OPA1: variants seen among roughly 807,000 people sequenced by gnomAD.
The protein encoded by OPA1 is OPA1 mitochondrial dynamin like GTPase.
In OPA1, 59 loss-of-function variants were observed where a neutral mutation model predicts 152.9. The observed-to-expected ratio is 0.39, with a 90% CI of 0.31 to 0.48. The LOEUF (loss-of-function observed/expected upper bound fraction) is 0.48, where lower values mean the gene tolerates loss of function less well. Ranked by LOEUF, OPA1 falls within the 20% of genes least tolerant of loss-of-function variation. The pLI is 0.96. For missense variants in OPA1, 1,008 were observed against 1,216.8 expected (o/e 0.83, Z 2.55); for synonymous variants, 400 against 389.9 (o/e 1.03, Z -0.31).
Position 193,647,191 on chromosome 3 carries a change from T to C in OPA1, c.1870+11T>C, listed in dbSNP as rs188090613. The C allele has an allele frequency of 4.6e-5, 73 of 1,571,872 alleles. No homozygotes were observed. The African/African-American group carries it at 8.8e-4, about 19-fold the overall frequency. On this transcript the variant is annotated intron_variant, in intron 19 of 30. Coordinates refer to ENST00000361510, the MANE Select transcript of OPA1 (RefSeq NM_130837.3). The stretch of plus-strand genomic sequence containing the variant: ...CTGATAGTTTCAAAGGTAAGTTGGA[T>C]TTTTTAAAGAAGCAAGCAAATTAAG...
In OPA1 at chr3:193,643,976, T is replaced by C. The variant is rs1219542370; in HGVS notation, c.1479T>C (p.Asp493=). Residue 493 remains aspartate (D), a splice_region_variant and synonymous_variant, in exon 16 of 31, where the codon GAT becomes GAC. Transcript: ENST00000361510. ...NPNAIILCIQ[D]GSVDAERSIV... is the part of the protein sequence containing the mutation. Reference sequence around the variant, plus strand: ...GTGTCATTTTTTTATTTTTTTCAGATGGATCTGTGGATGCTGAACGCAGTA... The same window carrying C: ...GTGTCATTTTTTTATTTTTTTCAGACGGATCTGTGGATGCTGAACGCAGTA... 1.2e-6 allele frequency: 2 copies of C among 1,613,786 alleles called. No homozygotes were observed. Among genetic ancestry groups the C allele is most frequent in the South Asian group, 1.1e-5 (1 of 91,068 alleles).
chr3:193,669,431 A>G (rs1717432221), intron 29 of OPA1, among the ~76,000 whole-genome samples: 1 of 152,212 alleles, frequency 6.6e-6, no homozygotes, highest in Non-Finnish European at 1.5e-5. Context: ...TTAGTGCTCA[A>G]ATCTGAATTG....
At chr3:193,635,569 GT>G (rs1560360880) in intron 9 of OPA1, 47 bp downstream of exon 9, 2 of 1,112,366 alleles carry the variant, frequency 1.8e-6, no homozygotes, top group African/African-American at 3.1e-5. Context: ...ACCGCTTAAC[GT>G]TGTGTGTTCA....
At chr3:193,628,821 A>G (rs764234262) in intron 7 of OPA1, among the ~76,000 whole-genome samples, 7 of 152,120 alleles carry the variant, frequency 4.6e-5, no homozygotes, top group Non-Finnish European at 8.8e-5. Flanking sequence ...CATCTCATCA[A>G]TCTTTAATGT....
intron 1 of OPA1, among the ~76,000 whole-genome samples, chr3:193,594,326 G>T (rs1324324003): frequency 1.3e-5 from 2 of 152,120 alleles, no homozygotes; most frequent in Non-Finnish European, 2.9e-5. Flanking sequence ...ATTTTTTCCA[G>T]ACCTTTTTAA....
intron 8 of OPA1, among the ~76,000 whole-genome samples, chr3:193,633,305 T>C (rs1288150840): frequency 1.3e-5 from 2 of 152,238 alleles, no homozygotes; most frequent in East Asian, 3.8e-4. Context: ...TTCTGATGCA[T>C]TCTAAAGTTT....
chr3:193,639,845 G>A (rs1448769154), intron 11 of OPA1, among the ~76,000 whole-genome samples: 1 of 152,194 alleles, frequency 6.6e-6, no homozygotes, highest in East Asian at 1.9e-4. Flanking sequence ...GTAAGAAATG[G>A]ATAGATTATA....
At chr3:193,633,716 T>C (rs1732472162) in intron 8 of OPA1, among the ~76,000 whole-genome samples, 1 of 152,228 alleles carries the variant, frequency 6.6e-6, no homozygotes, top group Non-Finnish European at 1.5e-5. Context: ...CATTTCAACA[T>C]GTGATCAGTA....
At position 193,695,735 on chromosome 3, in the gene OPA1, G is replaced by A. The variant is rs2109480248; in HGVS notation, c.*1135G>A. 6.6e-6 allele frequency: 1 copy of A among 152,172 alleles called. No individual in the cohort carries two copies. The allele number at this position is 152,172 out of a possible 1,614,324, so 9.4% of individuals were successfully genotyped here. A position where few individuals can be genotyped will look rare whatever the true frequency, so the allele number is the denominator to read the frequency against. On this transcript the variant is annotated 3_prime_UTR_variant, in exon 31 of 31. Coordinates refer to ENST00000361510, the MANE Select transcript of OPA1 (RefSeq NM_130837.3). ...TGCCTTTTCACTAAGCCTTTACTTT[G>A]TTAATAAAAGTGTCCATTGTGTGAT...
chr3:193,632,704 A>G (rs948520505), intron 8 of OPA1, among the ~76,000 whole-genome samples: 1 of 151,908 alleles, frequency 6.6e-6, no homozygotes. Flanking sequence ...CCCCGTATCT[A>G]TAAAAATTTT....
chr3:193,648,919 G>A (rs184388894), intron 21 of OPA1, 48 bp downstream of exon 21: 572 of 1,237,952 alleles, frequency 4.6e-4, no homozygotes, highest in Non-Finnish European at 6.2e-4. Flanking sequence ...TACTGTACAG[G>A]TTATAATGAA....
chr3:193,620,507 T>C (rs916820475), intron 6 of OPA1, among the ~76,000 whole-genome samples: 1 of 152,250 alleles, frequency 6.6e-6, no homozygotes, highest in Non-Finnish European at 1.5e-5. Context: ...TATGTTCTAA[T>C]TTACTCTTTG....
intron 1 of OPA1, among the ~76,000 whole-genome samples, chr3:193,597,670 G>A (rs1725820757): frequency 1.5e-5 from 2 of 137,198 alleles, no homozygotes; most frequent in East Asian, 4.2e-4. Context: ...CAACCTGGGT[G>A]ACAGAGCAAG....
At chr3:193,642,632 G>A in intron 11 of OPA1, 133 bp from the exon 12 acceptor site, 1 of 704,658 alleles carries the variant, frequency 1.4e-6, no homozygotes, top group Non-Finnish European at 2.6e-6. Flanking sequence ...GCTTCAGGGG[G>A]TGCCCCAGCA....
At chr3:193,604,390 A>G (rs1726906105) in intron 1 of OPA1, among the ~76,000 whole-genome samples, 1 of 152,198 alleles carries the variant, frequency 6.6e-6, no homozygotes, top group Non-Finnish European at 1.5e-5. Flanking sequence ...ACAGTGGTGA[A>G]GCTATTAAGG....
chr3:193,605,364 G>A (rs1160525752), intron 1 of OPA1, among the ~76,000 whole-genome samples: 1 of 152,198 alleles, frequency 6.6e-6, no homozygotes, highest in Non-Finnish European at 1.5e-5. Flanking sequence ...GGATTGGAGT[G>A]TTACAGGGGC....
chr3:193,640,963 T>C (rs1248483179), intron 11 of OPA1, among the ~76,000 whole-genome samples: 1 of 152,188 alleles, frequency 6.6e-6, no homozygotes, highest in Non-Finnish European at 1.5e-5. Context: ...AATCGTGTTA[T>C]GTGTTACTAG....
At chr3:193,680,209 T>TCTTATG (rs10641289) in intron 29 of OPA1, among the ~76,000 whole-genome samples, 1 of 151,456 alleles carries the variant, frequency 6.6e-6, no homozygotes, top group African/African-American at 2.4e-5. Context: ...CATTCTCTGA[T>TCTTATG]CTTTTACTTT....
chr3:193,662,970 A>G lies in OPA1; in HGVS notation c.2661+8A>G. 6.2e-7 allele frequency: 1 copy of G among 1,613,280 alleles called. No individual in the cohort carries two copies. Among genetic ancestry groups the G allele is most frequent in the Non-Finnish European group, 8.5e-7 (1 of 1,179,308 alleles). On this transcript the variant is annotated splice_region_variant and intron_variant, in intron 26 of 30. Coordinates refer to ENST00000361510, the MANE Select transcript of OPA1 (RefSeq NM_130837.3). The stretch of plus-strand genomic sequence containing the variant: ...GAAGTAGATCCAAGCTTGGTAATAA[A>G]TACTGCTGAGAAGCAGGAATCTGCT...
Sources: gnomAD v4.1 joint callset for allele counts (sites outside exome capture counted in the v4.1 genomes callset) on GRCh38, gnomAD v4.1.1 for gene constraint, MANE v1.5 for transcripts, NCBI Gene and HGNC (gene_info 2026-07-23, HGNC 2026-07-21) for gene names.